Variants in UBE2H observed in about 807,000 individuals in gnomAD.
The protein encoded by UBE2H is ubiquitin conjugating enzyme E2 H.
UBE2H carries 3 observed loss-of-function variants against 29.0 expected under a neutral mutation model. The ratio of observed to expected loss-of-function variants is 0.10; its 90% confidence interval spans 0.05 to 0.27. The LOEUF is 0.27. Among genes scored for constraint, UBE2H ranks in the 10% least tolerant of loss-of-function variants. The pLI, the probability that UBE2H is intolerant of heterozygous loss-of-function variation, is 1.00. For missense variants in UBE2H, 68 were observed against 228.2 expected, an observed-to-expected ratio of 0.30 and a Z score of 4.52; for synonymous variants, 69 against 82.9, an observed-to-expected ratio of 0.83 and a Z score of 0.91.
intron 1 of UBE2H, among the ~76,000 whole-genome samples, chr7:129,943,469 A>G (rs532437431): frequency 6.6e-6 from 1 of 152,372 alleles, no homozygotes; most frequent in South Asian, 2.1e-4. Context: ...ATCAGCTTTA[A>G]CCAAATTCAG....
At chr7:129,898,205 T>C (rs571090437) in intron 1 of UBE2H, among the ~76,000 whole-genome samples, 8 of 152,186 alleles carry the variant, frequency 5.3e-5, no homozygotes, top group African/African-American at 1.7e-4. Flanking sequence ...ACAAGAGTGG[T>C]AGAGCTATTT....
In UBE2H at chr7:129,880,974, A is replaced by G. The variant is rs1257262067; in HGVS notation, c.54-3T>C. On this transcript the variant is annotated splice_polypyrimidine_tract_variant and splice_region_variant and intron_variant, in intron 1 of 6. Transcript: ENST00000355621. Reference sequence around the variant, plus strand: ...TAACCTCATGTTTACTCTCGATGCTAAGGTGGACGGTAAAGGAAATTACAC... The same window carrying G: ...TAACCTCATGTTTACTCTCGATGCTGAGGTGGACGGTAAAGGAAATTACAC... The G allele has an allele frequency of 1.9e-6, 3 of 1,612,358 alleles. No individual in the cohort carries two copies. The highest frequency in any genetic ancestry group is 2.5e-6 in the Non-Finnish European group (3 of 1,179,348).
chr7:129,844,444 TAAAG>T (rs1462837920), intron 5 of UBE2H, among the ~76,000 whole-genome samples: 7 of 152,282 alleles, frequency 4.6e-5, no homozygotes, highest in East Asian at 3.9e-4. Flanking sequence ...TGTAGAAAAA[TAAAG>T]AACACTTTTT....
At chr7:129,927,992 C>T (rs565169654) in intron 1 of UBE2H, among the ~76,000 whole-genome samples, 115 of 146,700 alleles carry the variant, frequency 7.8e-4, no homozygotes, top group African/African-American at 2.6e-3. Flanking sequence ...TTAAAACCAA[C>T]CTGGGCAACA....
chr7:129,839,563 T>C (rs1203457475), intron 5 of UBE2H: 3 of 446,240 alleles, frequency 6.7e-6, no homozygotes, highest in Non-Finnish European at 1.1e-5. Context: ...GACATTCACT[T>C]TGAAGGACAA....
chr7:129,896,863 T>A (rs2727479), intron 1 of UBE2H, among the ~76,000 whole-genome samples: 44,125 of 152,164 alleles, frequency 0.29, 8,285 homozygotes, highest in Non-Finnish European at 0.42. Context: ...CAGTAAGCAG[T>A]TAAATTTTAC....
intron 1 of UBE2H, among the ~76,000 whole-genome samples, chr7:129,935,633 T>C (rs1240056984): frequency 6.6e-6 from 1 of 152,100 alleles, no homozygotes; most frequent in Non-Finnish European, 1.5e-5. Context: ...TGTAGAGAGG[T>C]ACCAGAACAC....
intron 1 of UBE2H, among the ~76,000 whole-genome samples, chr7:129,908,653 T>A (rs907214659): frequency 1.2e-4 from 18 of 152,248 alleles, no homozygotes; most frequent in African/African-American, 4.1e-4. Flanking sequence ...GCTAACTGTC[T>A]GCATAGGTTC....
intron 1 of UBE2H, among the ~76,000 whole-genome samples, chr7:129,949,832 A>G (rs1447327280): frequency 6.6e-6 from 1 of 152,208 alleles, no homozygotes; most frequent in African/African-American, 2.4e-5. Flanking sequence ...CTCAGGAGAC[A>G]TCCAAAAATG....
chr7:129,858,194 A>T (rs1805740182), intron 4 of UBE2H, among the ~76,000 whole-genome samples: 1 of 152,236 alleles, frequency 6.6e-6, no homozygotes, highest in Admixed American at 6.5e-5. Context: ...GAATCTGACA[A>T]CTATATACTG....
intron 1 of UBE2H, among the ~76,000 whole-genome samples, chr7:129,904,896 G>T (rs141234024): frequency 6.6e-6 from 1 of 152,228 alleles, no homozygotes; most frequent in African/African-American, 2.4e-5. Context: ...TAATCCAGGA[G>T]GTGGGGAAGC....
chr7:129,838,879 C>T (rs1040221934), intron 6 of UBE2H, among the ~76,000 whole-genome samples: 1 of 152,160 alleles, frequency 6.6e-6, no homozygotes, highest in African/African-American at 2.4e-5. Flanking sequence ...CCTTGTGATC[C>T]GCCTGCCTCG....
intron 1 of UBE2H, among the ~76,000 whole-genome samples, chr7:129,941,059 A>G (rs1205755973): frequency 6.6e-6 from 1 of 152,078 alleles, no homozygotes; most frequent in Non-Finnish European, 1.5e-5. Flanking sequence ...GGTTCAAGCA[A>G]TTCTCCTGCC....
intron 5 of UBE2H, among the ~76,000 whole-genome samples, chr7:129,847,031 A>AT (rs917591212): frequency 1.8e-4 from 27 of 151,186 alleles, no homozygotes; most frequent in Admixed American, 3.3e-4. Flanking sequence ...TATTATTATT[A>AT]TTTTTTGAGA....
In UBE2H at chr7:129,834,072, C is replaced by G. The variant is rs1450604068; in HGVS notation, c.*865G>C. On this transcript the variant is annotated 3_prime_UTR_variant, in exon 7 of 7. Transcript: ENST00000355621. ...CCCTCATATTTAAAGCTCTTAAGTTCAGGGTAGCGGTCTCAAACTGCCAAA... is the reference window on the plus strand; with the variant it reads ...CCCTCATATTTAAAGCTCTTAAGTTGAGGGTAGCGGTCTCAAACTGCCAAA... The G allele has an allele frequency of 1.3e-5, 2 of 152,182 alleles. No homozygotes were observed. The highest frequency in any genetic ancestry group is 2.9e-5 in the Non-Finnish European group (2 of 68,064). 9.4% of individuals were successfully genotyped at this position (152,182 alleles called of 1,614,324 possible).
chr7:129,946,478 T>C (rs892480823), intron 1 of UBE2H, among the ~76,000 whole-genome samples: 8 of 152,082 alleles, frequency 5.3e-5, no homozygotes, highest in Admixed American at 1.3e-4. Flanking sequence ...ATAAAAGATA[T>C]AGGAAAAAAG....
chr7:129,886,070 C>T (rs943960427), intron 1 of UBE2H, among the ~76,000 whole-genome samples: 4 of 152,218 alleles, frequency 2.6e-5, no homozygotes, highest in African/African-American at 9.6e-5. Flanking sequence ...TTCCTCATTA[C>T]TTTCTCTGTT....
At chr7:129,911,408 G>T (rs1806934644) in intron 1 of UBE2H, among the ~76,000 whole-genome samples, 1 of 151,694 alleles carries the variant, frequency 6.6e-6, no homozygotes, top group Admixed American at 6.6e-5. Context: ...GAACAAACAG[G>T]ATGAGGGAGG....
chr7:129,895,619 G>T (rs1371594696), intron 1 of UBE2H, among the ~76,000 whole-genome samples: 1 of 152,078 alleles, frequency 6.6e-6, no homozygotes, highest in African/African-American at 2.4e-5. Flanking sequence ...CATCCTACTA[G>T]GCCAGGCACG....
Sources: allele counts gnomAD v4.1 joint callset (sites outside exome capture counted in the v4.1 genomes callset), GRCh38; gene constraint gnomAD v4.1.1; transcripts MANE v1.5; gene names NCBI Gene and HGNC (gene_info 2026-07-23, HGNC 2026-07-21).